The following GABPA variants were observed in gnomAD, a reference collection of about 807,000 sequenced individuals.
The protein encoded by GABPA is GA binding protein transcription factor subunit alpha.
A neutral mutation model predicts 59.4 loss-of-function variants in GABPA; 4 were observed. That is an observed-to-expected ratio of 0.07 (90% CI 0.03 to 0.15). The LOEUF (loss-of-function observed/expected upper bound fraction) is 0.15. Among genes scored for constraint, GABPA ranks in the 10% least tolerant of loss-of-function variants. GABPA has a pLI of 1.00. For missense variants in GABPA, 251 were observed against 543.8 expected (o/e 0.46, Z 5.36); for synonymous variants, 164 against 183.1 (o/e 0.90, Z 0.84).
chr21:25,762,476 A>G, intron 7 of GABPA, 111 bp downstream of exon 7: 1 of 687,932 alleles, frequency 1.5e-6, no homozygotes, highest in Non-Finnish European at 2.5e-6. Flanking sequence ...TACACACAAA[A>G]TATCTTTTGT....
chr21:25,767,268 G>A (rs2035913122), intron 9 of GABPA, among the ~76,000 whole-genome samples: 1 of 152,018 alleles, frequency 6.6e-6, no homozygotes, highest in South Asian at 2.1e-4. Flanking sequence ...TAACAGGTGA[G>A]TGAATGTTCA....
intron 2 of GABPA, among the ~76,000 whole-genome samples, chr21:25,742,884 C>G (rs975982636): frequency 6.6e-6 from 1 of 150,556 alleles, no homozygotes; most frequent in Non-Finnish European, 1.5e-5. Flanking sequence ...ATTGTGCCAT[C>G]GTTGTGCCAT....
At chr21:25,748,590 TA>T (rs1330137831) in intron 3 of GABPA, among the ~76,000 whole-genome samples, 1 of 152,038 alleles carries the variant, frequency 6.6e-6, no homozygotes, top group Non-Finnish European at 1.5e-5. Context: ...AGATTTAGAG[TA>T]AACCCTTATC....
chr21:25,764,802 C>CT lies in GABPA; in HGVS notation c.1136+23dup. 1.2e-5 allele frequency: 18 copies of CT among 1,504,140 alleles called. No individual in the cohort carries two copies. The highest frequency in any genetic ancestry group is 1.3e-5 in the Non-Finnish European group (15 of 1,129,516). 93.2% of individuals were successfully genotyped at this position (1,504,140 alleles called of 1,614,324 possible). ...CGTGCATTAAGGTAAGCCTTTATTA[C>CT]TTTTTTTTCTGTTATCAAAAATAGA... On this transcript the variant is annotated intron_variant, in intron 9 of 9. Coordinates refer to ENST00000400075, the MANE Select transcript of GABPA (RefSeq NM_002040.4).
intron 1 of GABPA, among the ~76,000 whole-genome samples, chr21:25,738,069 A>C (rs1003080271): frequency 6.6e-6 from 1 of 152,186 alleles, no homozygotes; most frequent in Non-Finnish European, 1.5e-5. Context: ...TTAGTTAGGG[A>C]TGAAATTGCT....
intron 4 of GABPA, among the ~76,000 whole-genome samples, chr21:25,750,455 C>T (rs1454804389): frequency 6.6e-6 from 1 of 152,172 alleles, no homozygotes; most frequent in Non-Finnish European, 1.5e-5. Context: ...GAAATCCAAC[C>T]AGTACAGTTT....
At position 25,771,209 on chromosome 21, in the gene GABPA, CAT is replaced by C. The variant is rs914330513; in HGVS notation, c.*1982_*1983del. The C allele has an allele frequency of 7.6e-4, 115 of 151,974 alleles. No individual in the cohort carries two copies. The highest frequency in any genetic ancestry group is 2.5e-3 in the African/African-American group (105 of 41,542). 9.4% of individuals were successfully genotyped at this position (151,974 alleles called of 1,614,324 possible). A position where few individuals can be genotyped will look rare whatever the true frequency, so the allele number is the denominator to read the frequency against. On this transcript the variant is annotated 3_prime_UTR_variant, in exon 10 of 10. Transcript: ENST00000400075. ...CATATTTAAAATGCTTTTGGGGAGA[CAT>C]ATATTAAAATTTTAGCCAAGATGAT... is the stretch of plus-strand genomic sequence containing the variant.
Position 25,735,287 on chromosome 21 carries a change from C to T in GABPA, c.-318C>T, listed in dbSNP as rs2034997338. On this transcript the variant is annotated 5_prime_UTR_variant, in exon 1 of 10. Coordinates refer to ENST00000400075, the MANE Select transcript of GABPA (RefSeq NM_002040.4). ...GAAAGTGAGACTGTGTAAAACAAAG[C>T]GGATTGGGGCGTTGTGCTTCCTTGT... 2.6e-6 allele frequency: 1 copy of T among 380,966 alleles called. No homozygotes were observed. The highest frequency in any genetic ancestry group is 3.8e-5 in the South Asian group (1 of 26,576). The allele number at this position is 380,966 out of a possible 1,614,324, so 23.6% of individuals were successfully genotyped here. A position where few individuals can be genotyped will look rare whatever the true frequency, so the allele number is the denominator to read the frequency against.
rs577168504 is a variant in GABPA, at chr21:25,752,090, C to G, written c.409C>G (p.Leu137Val). 2 of 1,608,712 alleles carry G rather than the reference C, an allele frequency of 1.2e-6. No homozygotes were observed. Among genetic ancestry groups the G allele is most frequent in the South Asian group, 2.2e-5 (2 of 90,966 alleles). The change falls in exon 5 of 10, where the codon CTT becomes GTT. Residue 137 changes from leucine to valine, a missense_variant. Coordinates refer to ENST00000400075, the MANE Select transcript of GABPA (RefSeq NM_002040.4). Reference sequence around the variant, plus strand: ...CCACCATGCTGAATCAGAAGCACATCTTGTTGAAGAAGCTCAAGTGATAAC... The same window carrying G: ...CCACCATGCTGAATCAGAAGCACATGTTGTTGAAGAAGCTCAAGTGATAAC... ...DAHHAESEAH[L>V]VEEAQVITLD...
At chr21:25,753,506 T>C (rs2035562865) in intron 5 of GABPA, among the ~76,000 whole-genome samples, 2 of 152,132 alleles carry the variant, frequency 1.3e-5, no homozygotes, top group South Asian at 4.1e-4. Flanking sequence ...AGAAAGAAAG[T>C]AATAACTTAT....
At chr21:25,740,619 T>C (rs1158961369) in intron 1 of GABPA, among the ~76,000 whole-genome samples, 1 of 152,220 alleles carries the variant, frequency 6.6e-6, no homozygotes, top group East Asian at 1.9e-4. Flanking sequence ...GTATCAGTGG[T>C]TTTAAGCAAT....
intron 5 of GABPA, among the ~76,000 whole-genome samples, chr21:25,754,100 G>A (rs2035578396): frequency 6.6e-6 from 1 of 152,090 alleles, no homozygotes; most frequent in Non-Finnish European, 1.5e-5. Flanking sequence ...TCAAAATTAA[G>A]ATGGGTTGTA....
At position 25,753,067 on chromosome 21, in the gene GABPA, T is replaced by C. The variant is rs547945256; in HGVS notation, c.553+833T>C. ...AAACAGTAATAATCTTGATAAAAATTGGTTCCATCATCATTACATATTTAG... is the reference window on the plus strand; with the variant it reads ...AAACAGTAATAATCTTGATAAAAATCGGTTCCATCATCATTACATATTTAG... On this transcript the variant is annotated intron_variant, in intron 5 of 9. Transcript: ENST00000400075. Among the ~76,000 whole-genome samples, 18 of 152,302 alleles carry C rather than the reference T, an allele frequency of 1.2e-4. No homozygotes were observed. In the East Asian group the frequency reaches 3.5e-3, roughly 29 times the overall value.
chr21:25,753,795 A>C (rs1387063502), intron 5 of GABPA, among the ~76,000 whole-genome samples: 5 of 152,216 alleles, frequency 3.3e-5, no homozygotes, highest in African/African-American at 1.2e-4. Context: ...TTTGTAAATG[A>C]AACAGTATTG....
At chr21:25,759,062 C>G (rs2035704759) in intron 6 of GABPA, among the ~76,000 whole-genome samples, 1 of 151,822 alleles carries the variant, frequency 6.6e-6, no homozygotes. Context: ...GAGCAAGAGT[C>G]TCAATTGGAA....
intron 2 of GABPA, among the ~76,000 whole-genome samples, chr21:25,743,390 A>G (rs1408532024): frequency 6.6e-6 from 1 of 152,158 alleles, no homozygotes; most frequent in Non-Finnish European, 1.5e-5. Context: ...TAGCATGCAT[A>G]TATTTATACA....
chr21:25,741,031 G>A (rs751699198), intron 1 of GABPA, among the ~76,000 whole-genome samples: 3 of 152,204 alleles, frequency 2.0e-5, no homozygotes, highest in Non-Finnish European at 2.9e-5. Flanking sequence ...AATTGGTCCC[G>A]AAAACATCTC....
At chr21:25,751,840 A>C (rs908973582) in intron 4 of GABPA, 149 bp from the exon 5 acceptor site, 4 of 717,918 alleles carry the variant, frequency 5.6e-6, no homozygotes, top group Non-Finnish European at 9.1e-6. Flanking sequence ...AATATCCTTC[A>C]CCCAGATTCC....
At chr21:25,740,194 G>C (rs940896504) in intron 1 of GABPA, among the ~76,000 whole-genome samples, 1 of 152,228 alleles carries the variant, frequency 6.6e-6, no homozygotes, top group African/African-American at 2.4e-5. Flanking sequence ...AATAGCGTTC[G>C]TATGAGATGG....
Sources: gnomAD v4.1 joint callset for allele counts (sites outside exome capture counted in the v4.1 genomes callset) on GRCh38, gnomAD v4.1.1 for gene constraint, MANE v1.5 for transcripts, NCBI Gene and HGNC (gene_info 2026-07-23, HGNC 2026-07-21) for gene names.